Variants in MAN1A1 observed in about 807,000 individuals in gnomAD.
MAN1A1 encodes mannosyl-oligosaccharide 1,2-alpha-mannosidase IA.
A neutral mutation model predicts 70.8 loss-of-function variants in MAN1A1; 29 were observed. The ratio of observed to expected loss-of-function variants is 0.41; its 90% CI spans 0.31 to 0.56. MAN1A1 has a LOEUF of 0.56. Ranked by LOEUF, MAN1A1 falls within the 20% of genes least tolerant of loss-of-function variation. The pLI is 0.29. For synonymous variants in MAN1A1, 349 were observed against 330.1 expected (o/e 1.06, Z -0.62); for missense variants, 747 against 841.3 (o/e 0.89, Z 1.39).
At chr6:119,250,380 G>A (rs1775283621) in intron 5 of MAN1A1, among the ~76,000 whole-genome samples, 1 of 152,160 alleles carries the variant, frequency 6.6e-6, no homozygotes, top group Non-Finnish European at 1.5e-5. Context: ...TCCAAACTGG[G>A]CAATCTTGTA....
Position 119,179,873 on chromosome 6 carries a change from A to G in MAN1A1, c.1908T>C (p.His636=). ...LEHWIFNSEA[H]LLPILPKDKK... ...TATCTTTAGGGAGGATAGGGAGAAGATGTGCCTCGCTATTGAAGATCCAAT... is the reference window on the plus strand; with the variant it reads ...TATCTTTAGGGAGGATAGGGAGAAGGTGTGCCTCGCTATTGAAGATCCAAT... Residue 636 remains histidine, a synonymous_variant, in exon 13 of 13, where the codon CAT becomes CAC. Transcript: ENST00000368468. 3 of 1,612,660 alleles carry G rather than the reference A, an allele frequency of 1.9e-6. No homozygotes were observed. The highest frequency in any genetic ancestry group is 2.5e-6 in the Non-Finnish European group (3 of 1,178,720).
At chr6:119,194,981 C>T (rs1773531644) in intron 8 of MAN1A1, among the ~76,000 whole-genome samples, 2 of 151,826 alleles carry the variant, frequency 1.3e-5, no homozygotes, top group African/African-American at 2.4e-5. Context: ...TACAGGAGCC[C>T]ACCACCACAC....
chr6:119,311,657 G>C (rs1223576368), intron 2 of MAN1A1, among the ~76,000 whole-genome samples: 3 of 152,156 alleles, frequency 2.0e-5, no homozygotes, highest in Admixed American at 2.0e-4. Context: ...GAGGCTTAGG[G>C]TGAGGAGGTC....
intron 5 of MAN1A1, among the ~76,000 whole-genome samples, chr6:119,266,648 A>G (rs578095379): frequency 1.3e-5 from 2 of 152,296 alleles, no homozygotes; most frequent in Admixed American, 1.3e-4. Flanking sequence ...CTAGAAGATA[A>G]TACAGGATAA....
At chr6:119,334,880 C>T (rs543780282) in intron 2 of MAN1A1, among the ~76,000 whole-genome samples, 50 of 152,282 alleles carry the variant, frequency 3.3e-4, no homozygotes, top group African/African-American at 1.2e-3. Context: ...AGGTATTTCT[C>T]CAGATTTCTT....
Position 119,180,444 on chromosome 6 carries a change from GAA to G in MAN1A1, c.1720-19_1720-18del. 2.4e-6 allele frequency: 3 copies of G among 1,251,468 alleles called. No individual in the cohort carries two copies. Among genetic ancestry groups the G allele is most frequent in the East Asian group, 2.5e-5 (1 of 39,938 alleles). The allele number at this position is 1,251,468 out of a possible 1,614,324, so 77.5% of individuals were successfully genotyped here. A position where few individuals can be genotyped will look rare whatever the true frequency, so the allele number is the denominator to read the frequency against. On this transcript the variant is annotated intron_variant, in intron 11 of 12. Transcript: ENST00000368468. ...TTCCAAGGCCTAAATTATAGAGGAGGAAAAAAAAAAGTCACATTTCAGTAAAC... is the reference window on the plus strand; with the variant it reads ...TTCCAAGGCCTAAATTATAGAGGAGGAAAAAAAAGTCACATTTCAGTAAAC...
chr6:119,321,222 C>T (rs1232241541), intron 2 of MAN1A1, among the ~76,000 whole-genome samples: 2 of 152,176 alleles, frequency 1.3e-5, no homozygotes, highest in South Asian at 4.1e-4. Context: ...TATAAACTGA[C>T]TCTCTCACAC....
Position 119,325,493 on chromosome 6 carries a change from A to G in MAN1A1, c.604-18501T>C, listed in dbSNP as rs6922532. 5.8e-3 allele frequency among the ~76,000 whole-genome samples: 890 copies of G among 152,212 alleles called. 26 individuals are homozygous for G. The East Asian group carries it at 0.089, about 15-fold the overall frequency. ...GCTAACATGTGAAGCCCCGTCTCTAATAAAAATACAAAAATTAGCCAGGTG... is the reference window on the plus strand; with the variant it reads ...GCTAACATGTGAAGCCCCGTCTCTAGTAAAAATACAAAAATTAGCCAGGTG... On this transcript the variant is annotated intron_variant, in intron 2 of 12. Coordinates refer to ENST00000368468, the MANE Select transcript of MAN1A1 (RefSeq NM_005907.4).
chr6:119,246,320 A>G (rs1296586271), intron 6 of MAN1A1, among the ~76,000 whole-genome samples: 1 of 152,168 alleles, frequency 6.6e-6, no homozygotes, highest in Non-Finnish European at 1.5e-5. Context: ...CTAGGATTGT[A>G]AACTGGCGGT....
At chr6:119,215,979 G>A (rs1224315341) in intron 6 of MAN1A1, among the ~76,000 whole-genome samples, 2 of 152,168 alleles carry the variant, frequency 1.3e-5, no homozygotes, top group Non-Finnish European at 2.9e-5. Context: ...GAATGAACCT[G>A]CCAGTGAAGA....
chr6:119,237,208 T>G (rs1387975830), intron 6 of MAN1A1, among the ~76,000 whole-genome samples: 1 of 152,158 alleles, frequency 6.6e-6, no homozygotes, highest in Admixed American at 6.5e-5. Flanking sequence ...GAATGTTACA[T>G]AAACACAGTG....
chr6:119,335,017 T>C (rs1773417046), intron 2 of MAN1A1, among the ~76,000 whole-genome samples: 1 of 152,202 alleles, frequency 6.6e-6, no homozygotes, highest in African/African-American at 2.4e-5. Flanking sequence ...TCTATGGTTT[T>C]CCTGAGGATG....
chr6:119,331,500 A>G (rs1228032263), intron 2 of MAN1A1, among the ~76,000 whole-genome samples: 1 of 150,396 alleles, frequency 6.6e-6, no homozygotes, highest in Non-Finnish European at 1.5e-5. Context: ...AACCCCCAAT[A>G]ACTTTCATTA....
intron 2 of MAN1A1, among the ~76,000 whole-genome samples, chr6:119,312,772 C>T (rs1422676219): frequency 6.6e-6 from 1 of 152,170 alleles, no homozygotes; most frequent in Non-Finnish European, 1.5e-5. Flanking sequence ...ACAAATGCAC[C>T]ACTGTGGGTT....
At chr6:119,267,839 C>A (rs116493780) in intron 5 of MAN1A1, among the ~76,000 whole-genome samples, 2,501 of 152,310 alleles carry the variant, frequency 0.016, 67 homozygotes, top group African/African-American at 0.057. Flanking sequence ...CCACAGGCAT[C>A]TCATTTTTTC....
chr6:119,188,570 T>C lies in MAN1A1; in HGVS notation c.1554A>G (p.Lys518=). Residue 518 remains lysine, a synonymous_variant, in exon 11 of 13, where the codon AAA becomes AAG. Transcript: ENST00000368468. ...CHESYNRTFM[K]LGPEAFRFDG... is the part of the protein sequence containing the mutation. ...CAAATCTGAAAGCTTCTGGTCCCAG[T>C]TTCATAACTAAAGGACATGGAATGA... is the stretch of plus-strand genomic sequence containing the variant. The C allele has an allele frequency of 6.2e-7, 1 of 1,612,868 alleles. No individual in the cohort carries two copies. Among genetic ancestry groups the C allele is most frequent in the Non-Finnish European group, 8.5e-7 (1 of 1,179,594 alleles).
chr6:119,342,005 A>G (rs1042318212), intron 2 of MAN1A1, among the ~76,000 whole-genome samples: 15 of 152,238 alleles, frequency 9.9e-5, no homozygotes, highest in Non-Finnish European at 1.5e-5. Flanking sequence ...AGATAACTCG[A>G]CTGTGACTAC....
At chr6:119,316,861 C>T (rs557241097) in intron 2 of MAN1A1, among the ~76,000 whole-genome samples, 5 of 151,196 alleles carry the variant, frequency 3.3e-5, no homozygotes, top group South Asian at 2.1e-4. Flanking sequence ...ATTTAGTGAT[C>T]GATGAAAATG....
rs3798634 is a variant in MAN1A1 at position 119,310,542 on chromosome 6, C to G, written c.604-3550G>C. On this transcript the variant is annotated intron_variant, in intron 2 of 12. Coordinates refer to ENST00000368468, the MANE Select transcript of MAN1A1 (RefSeq NM_005907.4). ...CTGAGAGCTAGCCATGAGCCTCCAA[C>G]GTGGGGCGCCCTGGTGTGTAGTTCT... 5.9e-3 allele frequency among the ~76,000 whole-genome samples: 893 copies of G among 152,244 alleles called. 30 individuals carry two copies. The East Asian group carries it at 0.09, about 15-fold the overall frequency.
Sources: allele counts gnomAD v4.1 joint callset (sites outside exome capture counted in the v4.1 genomes callset), GRCh38; gene constraint gnomAD v4.1.1; transcripts MANE v1.5; gene names NCBI Gene and HGNC (gene_info 2026-07-23, HGNC 2026-07-21).